The following OARD1 variants were observed in gnomAD, a reference collection of about 807,000 sequenced individuals.
The protein encoded by OARD1 is O-acyl-ADP-ribose deacylase 1.
OARD1 carries 19 observed loss-of-function variants against 19.7 expected under a neutral mutation model. The observed-to-expected ratio is 0.96, with a 90% CI of 0.67 to 1.41. OARD1 has a LOEUF of 1.41. OARD1 is among the 40% of genes most tolerant of loss of function. OARD1 has a pLI of 0.00. For missense variants in OARD1, 190 were observed against 183.8 expected, an observed-to-expected ratio of 1.03 and a Z score of -0.20; for synonymous variants, 70 against 61.8, an observed-to-expected ratio of 1.13 and a Z score of -0.62.
rs1762986929 is a variant in OARD1, at chr6:41,065,877, C to G, written c.*1458G>C. 1 of 152,168 alleles carries G rather than the reference C, an allele frequency of 6.6e-6. No individual in the cohort carries two copies. The highest frequency in any genetic ancestry group is 6.5e-5 in the Admixed American group (1 of 15,268). The allele number at this position is 152,168 out of a possible 1,614,324, so 9.4% of individuals were successfully genotyped here. A position where few individuals can be genotyped will look rare whatever the true frequency, so the allele number is the denominator to read the frequency against. On this transcript the variant is annotated 3_prime_UTR_variant, in exon 6 of 6. Coordinates refer to ENST00000424266, the MANE Select transcript of OARD1 (RefSeq NM_001329686.2). ...GTCACTCTAGGGAGAAAATCAATAG[C>G]AAGTCTGGCTGTTTTAACTCTCAAC... is the stretch of plus-strand genomic sequence containing the variant.
Position 41,082,304 on chromosome 6 carries a change from A to G in OARD1, c.-41-10629T>C, listed in dbSNP as rs548518012. Among the ~76,000 whole-genome samples the G allele has an allele frequency of 4.3e-4, 66 of 152,352 alleles. 1 individual carries two copies. The South Asian group carries it at 0.014, about 32-fold the overall frequency. On this transcript the variant is annotated intron_variant, in intron 1 of 4. Transcript: ENST00000480585. Reference sequence around the variant, plus strand: ...AATTGTGTTCAAATCTCACAGTCCAACAGCTTGTTAATGTTTTTCATGCTT... The same window carrying G: ...AATTGTGTTCAAATCTCACAGTCCAGCAGCTTGTTAATGTTTTTCATGCTT...
At chr6:41,088,423 CAAAAAAAAAAAAAA>C (rs34590854) in intron 1 of OARD1, among the ~76,000 whole-genome samples, 1 of 64,712 alleles carries the variant, frequency 1.5e-5, no homozygotes, top group Non-Finnish European at 3.0e-5. Context: ...ACTCCGTCTC[CAAAAAAAAAAAAAA>C]AAAAAAAATT....
chr6:41,077,559 C>T (rs891786914), upstream of OARD1, among the ~76,000 whole-genome samples: 1 of 152,088 alleles, frequency 6.6e-6, no homozygotes, highest in African/African-American at 2.4e-5. Context: ...GTATTAGAGA[C>T]AAGATAGAAT....
At chr6:41,077,947 A>G (rs1763786061) in intron 1 of OARD1, among the ~76,000 whole-genome samples, 1 of 152,010 alleles carries the variant, frequency 6.6e-6, no homozygotes, top group African/African-American at 2.4e-5. Flanking sequence ...TTTTGATTAA[A>G]TTTTGTTATA....
intron 1 of OARD1, among the ~76,000 whole-genome samples, chr6:41,081,286 G>C (rs923014243): frequency 6.6e-6 from 1 of 151,830 alleles, no homozygotes; most frequent in Non-Finnish European, 1.5e-5. Flanking sequence ...TCAGGAGATC[G>C]AGACCATCCT....
chr6:41,089,724 C>G (rs567535465), intron 1 of OARD1: 1 of 1,608,976 alleles, frequency 6.2e-7, no homozygotes, highest in African/African-American at 1.3e-5. Context: ...ATTCCACTAG[C>G]TCTGTCACAC....
At chr6:41,097,296 A>G (rs1665828005) in intron 1 of OARD1, 1 of 1,479,452 alleles carries the variant, frequency 6.8e-7, no homozygotes. Context: ...AAGTAGTGAG[A>G]GCCATGAGTT....
At chr6:41,080,373 T>C (rs571110899) in intron 1 of OARD1, among the ~76,000 whole-genome samples, 7 of 152,196 alleles carry the variant, frequency 4.6e-5, no homozygotes, top group Non-Finnish European at 1.0e-4. Context: ...TTTCGGTTCA[T>C]AGTGATTAAT....
chr6:41,071,273 T>A lies in OARD1; in HGVS notation c.43A>T (p.Thr15Ser), dbSNP rs1383636535. The A allele has an allele frequency of 6.2e-7, 1 of 1,613,026 alleles. No individual in the cohort carries two copies. Among genetic ancestry groups the A allele is most frequent in the African/African-American group, 1.3e-5 (1 of 74,834 alleles). Residue 15 changes from threonine (T) to serine (S), a missense_variant, in exon 3 of 6, where the codon ACT becomes TCT. Thr to Ser is a moderately conservative substitution (Grantham distance 58). Coordinates refer to ENST00000424266, the MANE Select transcript of OARD1 (RefSeq NM_001329686.2). ...LNEDPEGSRITYVKGDLFACP... is the reference protein window; with the variant it reads ...LNEDPEGSRISYVKGDLFACP... Reference sequence around the variant, plus strand: ...GCAAAAAGGTCTCCTTTCACATAAGTGATCTAAAAAATGTGCAAAGGAAAA... The same window carrying A: ...GCAAAAAGGTCTCCTTTCACATAAGAGATCTAAAAAATGTGCAAAGGAAAA...
intron 1 of OARD1, among the ~76,000 whole-genome samples, chr6:41,095,591 C>T (rs188210163): frequency 1.3e-5 from 2 of 152,192 alleles, no homozygotes; most frequent in East Asian, 3.9e-4. Context: ...CCACCATGCC[C>T]AGCTAATTTT....
chr6:41,078,592 A>G (rs141467220), intron 1 of OARD1, among the ~76,000 whole-genome samples: 1 of 152,330 alleles, frequency 6.6e-6, no homozygotes, highest in African/African-American at 2.4e-5. Flanking sequence ...CTTAAAGTCT[A>G]TGAGAAGGGT....
At position 41,070,752 on chromosome 6, in the gene OARD1, C is replaced by T. The variant is rs535126689; in HGVS notation, c.184+380G>A. 194 of 399,438 alleles carry T rather than the reference C, an allele frequency of 4.9e-4. 1 individual carries two copies. The highest frequency in any genetic ancestry group is 3.4e-3 in the African/African-American group (164 of 48,034). 24.7% of individuals were successfully genotyped at this position (399,438 alleles called of 1,614,324 possible). On this transcript the variant is annotated intron_variant, in intron 3 of 5. Transcript: ENST00000424266. ...TGCACATTTCTGGTTTAAAGTGGCC[C>T]GTAGAAAGTGATGGGAGGGGTCTGT...
chr6:41,088,423 C>CCAA (rs745387990), intron 1 of OARD1, among the ~76,000 whole-genome samples: 1 of 64,712 alleles, frequency 1.5e-5, no homozygotes, highest in Admixed American at 1.8e-4. Flanking sequence ...ACTCCGTCTC[C>CCAA]AAAAAAAAAA....
chr6:41,090,186 A>G (rs374600583), intron 1 of OARD1: 3 of 1,521,746 alleles, frequency 2.0e-6, no homozygotes, highest in African/African-American at 2.7e-5. Context: ...GAATTGTGTC[A>G]TTACTTATTT....
chr6:41,092,866 T>A, intron 1 of OARD1: 1 of 1,571,410 alleles, frequency 6.4e-7, no homozygotes, highest in Non-Finnish European at 8.6e-7. Flanking sequence ...TGTTTCTATG[T>A]CCATACTTCA....
At chr6:41,073,707 G>T (rs1763623212), upstream of OARD1, among the ~76,000 whole-genome samples, 1 of 152,064 alleles carries the variant, frequency 6.6e-6, no homozygotes, top group Non-Finnish European at 1.5e-5. Context: ...ACGCCTCGGA[G>T]CCCTATGGGC....
intron 1 of OARD1, chr6:41,079,144 G>A: frequency 1.2e-6 from 2 of 1,614,172 alleles, no homozygotes; most frequent in Non-Finnish European, 1.7e-6. Context: ...TGTTGTCCAG[G>A]CAGGACAGAT....
intron 1 of OARD1, among the ~76,000 whole-genome samples, chr6:41,079,357 T>A (rs977235392): frequency 1.3e-5 from 2 of 152,226 alleles, no homozygotes; most frequent in Non-Finnish European, 2.9e-5. Flanking sequence ...GGGTGCCTGG[T>A]TATAGTAAAT....
intron 4 of OARD1, 117 bp downstream of exon 4, chr6:41,069,959 G>A (rs1042781461): frequency 2.6e-6 from 2 of 776,322 alleles, no homozygotes; most frequent in East Asian, 2.5e-5. Flanking sequence ...GACATTCTTA[G>A]TTGTCTAGAA....
Sources: allele counts gnomAD v4.1 joint callset (sites outside exome capture counted in the v4.1 genomes callset), GRCh38; gene constraint gnomAD v4.1.1; transcripts MANE v1.5; gene names NCBI Gene and HGNC (gene_info 2026-07-23, HGNC 2026-07-21).